UPP2: variants seen among roughly 807,000 people sequenced by gnomAD.
UPP2 encodes UPase 2.
In UPP2, 23 loss-of-function variants were observed where a neutral mutation model predicts 26.7. That is an observed-to-expected ratio of 0.86 (90% CI 0.62 to 1.22). The LOEUF (loss-of-function observed/expected upper bound fraction) is 1.22, where lower values mean the gene tolerates loss of function less well. Among genes scored for constraint, UPP2 ranks in the 50% most tolerant of loss-of-function variants. The pLI, the probability that UPP2 is intolerant of heterozygous loss-of-function variation, is 0.00. For synonymous variants in UPP2, 127 were observed against 141.3 expected (o/e 0.90, Z 0.72); for missense variants, 387 against 396.7 (o/e 0.98, Z 0.21).
At chr2:158,009,468 G>A (rs757502609) in intron 2 of UPP2, among the ~76,000 whole-genome samples, 3 of 152,192 alleles carry the variant, frequency 2.0e-5, no homozygotes, top group Non-Finnish European at 4.4e-5. Flanking sequence ...ACAGTTGAAG[G>A]ATAGCCAAGA....
intron 3 of UPP2, among the ~76,000 whole-genome samples, chr2:158,071,226 C>T (rs1435863097): frequency 1.3e-5 from 2 of 152,026 alleles, no homozygotes; most frequent in African/African-American, 2.4e-5. Context: ...AAGCATCATC[C>T]CTCCCACAAC....
At chr2:157,997,651 C>A (rs140127950) in intron 2 of UPP2, among the ~76,000 whole-genome samples, 1 of 152,148 alleles carries the variant, frequency 6.6e-6, no homozygotes, top group Non-Finnish European at 1.5e-5. Context: ...AGAATATCAT[C>A]CTTTTAAGCC....
chr2:158,083,319 A>G (rs867551774), intron 3 of UPP2, among the ~76,000 whole-genome samples: 4 of 152,222 alleles, frequency 2.6e-5, no homozygotes, highest in Non-Finnish European at 4.4e-5. Flanking sequence ...ATGTCCATCA[A>G]TGATAGACTG....
At chr2:158,097,507 T>C (rs1683006952), upstream of UPP2, among the ~76,000 whole-genome samples, 3 of 152,162 alleles carry the variant, frequency 2.0e-5, no homozygotes, top group African/African-American at 7.2e-5. Flanking sequence ...TTGTGGGTCC[T>C]GGAAAATATG....
chr2:158,049,088 T>C (rs1300628501), intron 3 of UPP2, among the ~76,000 whole-genome samples: 1 of 152,138 alleles, frequency 6.6e-6, no homozygotes, highest in African/African-American at 2.4e-5. Context: ...CTCATCACAA[T>C]TTAATTGTTA....
At chr2:157,995,411 C>T (rs895240644) in intron 2 of UPP2, among the ~76,000 whole-genome samples, 1 of 152,180 alleles carries the variant, frequency 6.6e-6, no homozygotes. Context: ...AGGGATGATG[C>T]AACACATATT....
intron 3 of UPP2, among the ~76,000 whole-genome samples, chr2:158,050,334 G>T (rs1225108163): frequency 6.6e-6 from 1 of 152,068 alleles, no homozygotes; most frequent in African/African-American, 2.4e-5. Flanking sequence ...AAGACTCTAA[G>T]TGAAGACTGA....
chr2:158,056,886 A>G (rs1232380921), intron 3 of UPP2, among the ~76,000 whole-genome samples: 1 of 152,106 alleles, frequency 6.6e-6, no homozygotes, highest in Admixed American at 6.5e-5. Context: ...CCCATAACAG[A>G]TCTCATCCAA....
chr2:158,076,895 T>A (rs912823871), intron 3 of UPP2, among the ~76,000 whole-genome samples: 2 of 152,114 alleles, frequency 1.3e-5, no homozygotes, highest in Non-Finnish European at 2.9e-5. Context: ...TGTTTGCAGA[T>A]GATATGATCT....
intron 3 of UPP2, among the ~76,000 whole-genome samples, chr2:158,034,904 C>T (rs1294300115): frequency 2.0e-5 from 3 of 152,106 alleles, no homozygotes; most frequent in Admixed American, 1.3e-4. Context: ...TAAGTTGGCC[C>T]TCCTCCAAAT....
chr2:158,036,215 A>G (rs1449752496), intron 3 of UPP2, among the ~76,000 whole-genome samples: 2 of 152,234 alleles, frequency 1.3e-5, no homozygotes, highest in Non-Finnish European at 2.9e-5. Context: ...CCATTCTCCA[A>G]GATTCATAGT....
At chr2:158,019,234 T>C (rs915298479) in intron 3 of UPP2, among the ~76,000 whole-genome samples, 1 of 152,080 alleles carries the variant, frequency 6.6e-6, no homozygotes, top group Non-Finnish European at 1.5e-5. Flanking sequence ...AAAGTCAAGA[T>C]GGTGGATTAG....
intron 5 of UPP2, among the ~76,000 whole-genome samples, chr2:158,122,000 G>C (rs945916948): frequency 1.3e-5 from 2 of 151,932 alleles, no homozygotes; most frequent in African/African-American, 2.4e-5. Flanking sequence ...CGGAAACAGT[G>C]GTCCAGAAAA....
intron 3 of UPP2, among the ~76,000 whole-genome samples, chr2:158,053,686 A>G (rs1682194844): frequency 6.6e-6 from 1 of 152,208 alleles, no homozygotes; most frequent in Admixed American, 6.5e-5. Context: ...ATGTTTATAA[A>G]TAATCTTATG....
At chr2:158,027,462 T>C (rs1683850906) in intron 3 of UPP2, among the ~76,000 whole-genome samples, 1 of 152,124 alleles carries the variant, frequency 6.6e-6, no homozygotes, top group Admixed American at 6.5e-5. Context: ...ATGCAAGAGG[T>C]AAGTTTCTAT....
Position 158,058,234 on chromosome 2 carries a change from A to C in UPP2, c.147+42348A>C, listed in dbSNP as rs555732583. Among the ~76,000 whole-genome samples the C allele has an allele frequency of 5.4e-5, 8 of 148,396 alleles. No individual in the cohort carries two copies. In the South Asian group the frequency reaches 1.8e-3, roughly 33 times the overall value. On this transcript the variant is annotated intron_variant, in intron 3 of 9. Transcript: ENST00000605860. ...CATGAACCCAGGAGGTGGAGCTTGC[A>C]GTGAGCCGAGATTGTGCCACTGCAT... is the stretch of plus-strand genomic sequence containing the variant.
chr2:158,059,711 C>T (rs1226667053), intron 3 of UPP2, among the ~76,000 whole-genome samples: 1 of 152,170 alleles, frequency 6.6e-6, no homozygotes, highest in Admixed American at 6.5e-5. Context: ...GGAGTGTGAA[C>T]ACCTCACTTG....
At chr2:158,091,568 C>G (rs939553834) in intron 3 of UPP2, among the ~76,000 whole-genome samples, 25 of 152,192 alleles carry the variant, frequency 1.6e-4, no homozygotes, top group African/African-American at 5.8e-4. Context: ...CACAATAATG[C>G]TATTGCCATA....
At position 158,117,826 on chromosome 2, in the gene UPP2, C is replaced by T. The variant is rs374200548; in HGVS notation, c.342C>T (p.His114=). The change falls in exon 4 of 7, where the codon CAC becomes CAT. Residue 114 remains histidine, a splice_region_variant and synonymous_variant. Transcript: ENST00000005756. ...TGACTTTCTCTTTCTCTCAATAGCA[C>T]GGCATGGGCATCCCCTCCATTTCTA... The part of the protein sequence containing the change: ...YKTGPVLAIS[H]GMGIPSISIM... The T allele has an allele frequency of 1.1e-4, 180 of 1,607,020 alleles. 4 individuals carry two copies. The highest frequency in any genetic ancestry group is 1.7e-4 in the Admixed American group (10 of 59,928).
Sources: gnomAD v4.1 joint callset for allele counts (sites outside exome capture counted in the v4.1 genomes callset) on GRCh38, gnomAD v4.1.1 for gene constraint, MANE v1.5 for transcripts, NCBI Gene and HGNC (gene_info 2026-07-23, HGNC 2026-07-21) for gene names.